The following ARHGEF3 variants were observed in gnomAD, a reference collection of about 807,000 sequenced individuals.
ARHGEF3 encodes 59.8 kDA protein.
ARHGEF3 carries 28 observed loss-of-function variants against 63.2 expected under a neutral mutation model. The ratio of observed to expected loss-of-function variants is 0.44; its 90% confidence interval spans 0.33 to 0.61. ARHGEF3 has a LOEUF of 0.61. Among genes scored for constraint, ARHGEF3 ranks in the 20% least tolerant of loss-of-function variants. ARHGEF3 has a pLI of 0.03. For missense variants in ARHGEF3, 533 were observed against 659.3 expected, an observed-to-expected ratio of 0.81 and a Z score of 2.10; for synonymous variants, 266 against 254.2, an observed-to-expected ratio of 1.05 and a Z score of -0.44.
At chr3:56,945,453 G>A (rs1342975735) in intron 3 of ARHGEF3, among the ~76,000 whole-genome samples, 1 of 152,156 alleles carries the variant, frequency 6.6e-6, no homozygotes, top group African/African-American at 2.4e-5. Context: ...TTAGCAAATG[G>A]CACACCAGGA....
At position 56,936,216 on chromosome 3, in the gene ARHGEF3, A is replaced by G. The variant is rs375699699; in HGVS notation, c.129+22607T>C. Among the ~76,000 whole-genome samples, 259 of 152,248 alleles carry G rather than the reference A, an allele frequency of 1.7e-3. 3 individuals are homozygous for G. Among genetic ancestry groups the G allele is most frequent in the Non-Finnish European group, 1.6e-3 (108 of 68,020 alleles). On this transcript the variant is annotated intron_variant, in intron 3 of 12. Transcript: ENST00000338458. The stretch of plus-strand genomic sequence containing the variant: ...GTTGGTCCAGAGCTGGCATCATGAC[A>G]AGCCCAACAGTGCCACATACAAGGA...
intron 3 of ARHGEF3, among the ~76,000 whole-genome samples, chr3:56,943,831 C>T (rs1699311739): frequency 6.7e-6 from 1 of 149,964 alleles, no homozygotes; most frequent in African/African-American, 2.5e-5. Context: ...AGGAGAATCA[C>T]TTGAACCGGG....
intron 3 of ARHGEF3, among the ~76,000 whole-genome samples, chr3:56,904,267 G>A (rs960325409): frequency 1.6e-4 from 25 of 152,134 alleles, no homozygotes; most frequent in Non-Finnish European, 2.5e-4. Flanking sequence ...CCTGGGCTCA[G>A]GCAATCCTCC....
chr3:56,736,930 T>TA (rs1456748949), intron 8 of ARHGEF3, among the ~76,000 whole-genome samples: 6 of 151,852 alleles, frequency 4.0e-5, no homozygotes, highest in Admixed American at 1.3e-4. Flanking sequence ...CTGTCTCTAC[T>TA]AAAAAAATAC....
At chr3:57,048,818 C>T (rs1280854607) in intron 1 of ARHGEF3, among the ~76,000 whole-genome samples, 1 of 152,184 alleles carries the variant, frequency 6.6e-6, no homozygotes, top group Non-Finnish European at 1.5e-5. Context: ...AGGAGGGGAA[C>T]AGCCATTGCC....
intron 2 of ARHGEF3, chr3:57,035,034 T>C: frequency 7.9e-6 from 11 of 1,394,834 alleles, no homozygotes; most frequent in Non-Finnish European, 1.1e-5. Context: ...ATTTAATTGT[T>C]GCATACAGGA....
chr3:56,812,166 A>AT (rs1310127355), intron 4 of ARHGEF3, among the ~76,000 whole-genome samples: 1 of 152,226 alleles, frequency 6.6e-6, no homozygotes, highest in East Asian at 1.9e-4. Flanking sequence ...TCCAGAGAAG[A>AT]TTTTTGCAAG....
intron 2 of ARHGEF3, among the ~76,000 whole-genome samples, chr3:57,001,447 A>AG (rs1192871729): frequency 6.6e-6 from 1 of 152,216 alleles, no homozygotes; most frequent in Non-Finnish European, 1.5e-5. Context: ...TTCTTGTTCT[A>AG]GGGAATCACG....
intron 3 of ARHGEF3, among the ~76,000 whole-genome samples, chr3:56,942,642 A>C (rs1194677802): frequency 6.6e-6 from 1 of 152,214 alleles, no homozygotes. Flanking sequence ...CTTTAAGTCA[A>C]AAGCTAGAAA....
intron 2 of ARHGEF3, among the ~76,000 whole-genome samples, chr3:56,769,543 G>T (rs2035895141): frequency 6.6e-6 from 1 of 152,226 alleles, no homozygotes; most frequent in African/African-American, 2.4e-5. Context: ...TATGGGCACA[G>T]GAAGCAAGAG....
intron 2 of ARHGEF3, among the ~76,000 whole-genome samples, chr3:56,987,297 C>T (rs1473472021): frequency 1.3e-5 from 2 of 152,224 alleles, no homozygotes; most frequent in Non-Finnish European, 2.9e-5. Flanking sequence ...ACATCACCAT[C>T]TTGCAGATGA....
At chr3:57,061,562 T>C (rs527435829) in intron 1 of ARHGEF3, among the ~76,000 whole-genome samples, 31 of 152,268 alleles carry the variant, frequency 2.0e-4, no homozygotes, top group Non-Finnish European at 3.7e-4. Flanking sequence ...GTATTATTTT[T>C]ACCTTTTGGC....
chr3:57,074,125 T>G, intron 1 of ARHGEF3: 4 of 1,614,010 alleles, frequency 2.5e-6, no homozygotes, highest in African/African-American at 2.7e-5. Context: ...ACAGGATGGT[T>G]GTGGAGACTG....
intron 3 of ARHGEF3, among the ~76,000 whole-genome samples, chr3:56,938,150 G>T (rs972818875): frequency 6.6e-6 from 1 of 152,162 alleles, no homozygotes; most frequent in African/African-American, 2.4e-5. Context: ...GTGGGAGTTG[G>T]CAGTAACAGT....
At chr3:56,967,510 T>C in intron 2 of ARHGEF3, among the ~76,000 whole-genome samples, 1 of 88,038 alleles carries the variant, frequency 1.1e-5, no homozygotes, top group Non-Finnish European at 1.9e-5. Flanking sequence ...ACATAATATA[T>C]AATATAATAT....
At chr3:56,866,160 G>C (rs528357190) in intron 4 of ARHGEF3, among the ~76,000 whole-genome samples, 4 of 152,158 alleles carry the variant, frequency 2.6e-5, no homozygotes, top group African/African-American at 9.6e-5. Context: ...GTGAGATCCT[G>C]TCTCAAAACA....
chr3:56,868,361 G>GTTTT (rs35860517), intron 4 of ARHGEF3, among the ~76,000 whole-genome samples: 14 of 140,570 alleles, frequency 1.0e-4, no homozygotes, highest in African/African-American at 3.4e-4. Flanking sequence ...TTTTTTGTTT[G>GTTTT]TTTTTTTTTT....
At position 56,973,906 on chromosome 3, in the gene ARHGEF3, C is replaced by T. The variant is rs151046231; in HGVS notation, c.63-15017G>A. 2.8e-3 allele frequency among the ~76,000 whole-genome samples: 427 copies of T among 152,184 alleles called. 3 individuals are homozygous for T. Among genetic ancestry groups the T allele is most frequent in the African/African-American group, 9.7e-3 (403 of 41,518 alleles). Reference sequence around the variant, plus strand: ...GCTCCAACCAGACTAGGCAAGATAGCGAAAGCCTGTCTCTACAAAAAATAA... The same window carrying T: ...GCTCCAACCAGACTAGGCAAGATAGTGAAAGCCTGTCTCTACAAAAAATAA... On this transcript the variant is annotated intron_variant, in intron 2 of 12. Coordinates refer to the ARHGEF3 transcript ENST00000338458.
chr3:57,027,263 A>C (rs1703513617), intron 2 of ARHGEF3, among the ~76,000 whole-genome samples: 1 of 152,120 alleles, frequency 6.6e-6, no homozygotes, highest in African/African-American at 2.4e-5. Context: ...GGGCCAGGGT[A>C]CTCACTTCCT....
Sources: allele counts gnomAD v4.1 joint callset (sites outside exome capture counted in the v4.1 genomes callset), GRCh38; gene constraint gnomAD v4.1.1; transcripts MANE v1.5; gene names NCBI Gene and HGNC (gene_info 2026-07-23, HGNC 2026-07-21).